The following GRID1 variants were observed in gnomAD, a reference collection of about 807,000 sequenced individuals.
The protein encoded by GRID1 is glutamate receptor ionotropic, delta-1.
Under a neutral mutation model 98.0 loss-of-function variants are expected in GRID1, and 28 were observed. The ratio of observed to expected loss-of-function variants is 0.29; its 90% confidence interval spans 0.21 to 0.39. The LOEUF is 0.39. GRID1 is among the 10% of genes least tolerant of loss of function. The pLI is 1.00. For missense variants in GRID1, 1,111 were observed against 1,340.5 expected (o/e 0.83, Z 2.67); for synonymous variants, 553 against 538.5 (o/e 1.03, Z -0.37).
chr10:86,259,798 G>C (rs1846984297), intron 2 of GRID1, among the ~76,000 whole-genome samples: 1 of 152,174 alleles, frequency 6.6e-6, no homozygotes, highest in Admixed American at 6.5e-5. Flanking sequence ...CCAGATAGAG[G>C]CCACACTCTG....
intron 2 of GRID1, among the ~76,000 whole-genome samples, chr10:86,264,065 C>T (rs1214238452): frequency 6.6e-6 from 1 of 152,194 alleles, no homozygotes; most frequent in Non-Finnish European, 1.5e-5. Flanking sequence ...GCAGCATGAG[C>T]TCCTGGGATG....
intron 4 of GRID1, among the ~76,000 whole-genome samples, chr10:86,052,940 A>G (rs1467453350): frequency 2.0e-5 from 3 of 152,232 alleles, no homozygotes; most frequent in African/African-American, 7.2e-5. Flanking sequence ...AATCTTTTTA[A>G]AGAAAATCAC....
chr10:85,776,643 C>T (rs781441111), intron 8 of GRID1, among the ~76,000 whole-genome samples: 1 of 152,168 alleles, frequency 6.6e-6, no homozygotes, highest in Non-Finnish European at 1.5e-5. Context: ...CCAAGCGCAG[C>T]GACCGCAGCC....
intron 8 of GRID1, among the ~76,000 whole-genome samples, chr10:85,823,432 C>G (rs1359306489): frequency 6.6e-6 from 1 of 151,268 alleles, no homozygotes; most frequent in African/African-American, 2.4e-5. Context: ...TATATATAAA[C>G]AAAAATAAAC....
intron 4 of GRID1, among the ~76,000 whole-genome samples, chr10:86,130,928 C>T (rs928807884): frequency 1.3e-5 from 2 of 152,132 alleles, no homozygotes; most frequent in African/African-American, 4.8e-5. Flanking sequence ...TGCACCTGCC[C>T]GTCTGCGTGC....
chr10:86,080,994 G>A (rs1465003235), intron 4 of GRID1, among the ~76,000 whole-genome samples: 4 of 152,154 alleles, frequency 2.6e-5, no homozygotes, highest in African/African-American at 4.8e-5. Context: ...CAGACACAGA[G>A]AGGCAGATGC....
chr10:85,635,636 G>T (rs1843030171), intron 13 of GRID1, among the ~76,000 whole-genome samples: 1 of 152,164 alleles, frequency 6.6e-6, no homozygotes, highest in South Asian at 2.1e-4. Context: ...TAAATAAAAG[G>T]CAGGCCTCAC....
chr10:85,960,872 A>AC (rs1313221764), intron 4 of GRID1, among the ~76,000 whole-genome samples: 1 of 152,102 alleles, frequency 6.6e-6, no homozygotes, highest in Non-Finnish European at 1.5e-5. Flanking sequence ...ATCTCTTGAG[A>AC]ACTTTCCTGC....
At chr10:85,625,072 T>C (rs1341350060) in intron 13 of GRID1, among the ~76,000 whole-genome samples, 1 of 152,238 alleles carries the variant, frequency 6.6e-6, no homozygotes, top group Non-Finnish European at 1.5e-5. Context: ...TTATTATTGA[T>C]AGATACGGTA....
chr10:85,945,536 A>G (rs1044056235), intron 4 of GRID1, among the ~76,000 whole-genome samples: 5 of 152,220 alleles, frequency 3.3e-5, no homozygotes, highest in Non-Finnish European at 7.3e-5. Context: ...CAATCTTAGC[A>G]AACAGAATTT....
intron 2 of GRID1, among the ~76,000 whole-genome samples, chr10:86,235,790 CA>C (rs1169472390): frequency 6.6e-6 from 1 of 152,188 alleles, no homozygotes; most frequent in African/African-American, 2.4e-5. Context: ...ATCTATTCAC[CA>C]GTTGATGGAC....
intron 3 of GRID1, among the ~76,000 whole-genome samples, chr10:86,188,086 T>C (rs1439969159): frequency 2.0e-5 from 3 of 152,162 alleles, no homozygotes; most frequent in African/African-American, 7.2e-5. Context: ...TACTGATGAG[T>C]GACACACATG....
Position 85,811,812 on chromosome 10 carries a change from A to G in GRID1, c.1233+42684T>C, listed in dbSNP as rs72841502. ...TAAAATAATAGCAGAAAACTTCCCA[A>G]GTCTAGAAAGAGAGAGATGGACATC... On this transcript the variant is annotated intron_variant, in intron 8 of 15. Coordinates refer to ENST00000327946, the MANE Select transcript of GRID1 (RefSeq NM_017551.3). Among the ~76,000 whole-genome samples, 1,202 of 152,302 alleles carry G rather than the reference A, an allele frequency of 7.9e-3. 40 individuals carry two copies. In the East Asian group the frequency reaches 0.1, roughly 13 times the overall value.
intron 8 of GRID1, among the ~76,000 whole-genome samples, chr10:85,800,786 A>G (rs962652922): frequency 8.5e-5 from 13 of 152,066 alleles, no homozygotes; most frequent in Non-Finnish European, 1.2e-4. Context: ...TAACTCTTCT[A>G]ATCATCATAA....
chr10:85,619,350 A>T (rs1165901891), intron 14 of GRID1, among the ~76,000 whole-genome samples: 1 of 152,314 alleles, frequency 6.6e-6, no homozygotes, highest in East Asian at 1.9e-4. Flanking sequence ...AAATATGGAG[A>T]CATTCTGCTT....
At chr10:86,090,364 G>A (rs1159525830) in intron 4 of GRID1, among the ~76,000 whole-genome samples, 1 of 151,882 alleles carries the variant, frequency 6.6e-6, no homozygotes, top group Non-Finnish European at 1.5e-5. Context: ...CGTGAGCTGA[G>A]ATCACACCAC....
intron 8 of GRID1, among the ~76,000 whole-genome samples, chr10:85,752,457 G>A (rs1842057211): frequency 2.0e-5 from 3 of 152,080 alleles, no homozygotes; most frequent in African/African-American, 7.2e-5. Context: ...AACATATTGT[G>A]TATATTACAA....
chr10:86,233,431 C>G lies in GRID1; in HGVS notation c.236-26783G>C, dbSNP rs544757903. On this transcript the variant is annotated intron_variant, in intron 2 of 15. Transcript: ENST00000327946. ...AGATGCTATTAGTGTCCCAGCCAGG[C>G]CCCCTTTACAGATGGACACTCCCAT... Among the ~76,000 whole-genome samples the G allele has an allele frequency of 3.9e-5, 6 of 152,296 alleles. No individual in the cohort carries two copies. The South Asian group carries it at 1.2e-3, about 32-fold the overall frequency.
At chr10:85,826,055 G>T (rs564206951) in intron 8 of GRID1, among the ~76,000 whole-genome samples, 1 of 152,176 alleles carries the variant, frequency 6.6e-6, no homozygotes, top group Non-Finnish European at 1.5e-5. Flanking sequence ...GGCTAGGCGC[G>T]TTGGCTCACG....
Sources: gnomAD v4.1 joint callset for allele counts (sites outside exome capture counted in the v4.1 genomes callset) on GRCh38, gnomAD v4.1.1 for gene constraint, MANE v1.5 for transcripts, NCBI Gene and HGNC (gene_info 2026-07-23, HGNC 2026-07-21) for gene names.